The following SHH variants were observed in gnomAD, a reference collection of about 807,000 sequenced individuals.
SHH encodes sonic hedgehog signaling molecule.
A neutral mutation model predicts 16.6 loss-of-function variants in SHH; 3 were observed. That is an observed-to-expected ratio of 0.18 (90% CI 0.08 to 0.47). The LOEUF is 0.47. Ranked by LOEUF, SHH falls within the 20% of genes least tolerant of loss-of-function variation. SHH has a pLI of 0.98. For synonymous variants in SHH, 351 were observed against 316.2 expected (o/e 1.11, Z -1.17); for missense variants, 499 against 665.0 (o/e 0.75, Z 2.75).
chr7:155,800,141 C>T lies in SHH; in HGVS notation c.*2759G>A, dbSNP rs148863769. 306 of 471,590 alleles carry T rather than the reference C, an allele frequency of 6.5e-4. No individual in the cohort carries two copies. The highest frequency in any genetic ancestry group is 5.5e-3 in the African/African-American group (278 of 50,216). 29.2% of individuals were successfully genotyped at this position (471,590 alleles called of 1,614,324 possible). ...TACATTTTGCACAAACTCTTGGCTC[C>T]GTCAACCCTGAATGAGAAGTCGGCG... On this transcript the variant is annotated 3_prime_UTR_variant, in exon 3 of 3. Transcript: ENST00000297261.
Position 155,806,575 on chromosome 7 carries a change from C to A in SHH, c.301-18G>T. 6.2e-7 allele frequency: 1 copy of A among 1,610,158 alleles called. No homozygotes were observed. Among genetic ancestry groups the A allele is most frequent in the South Asian group, 1.1e-5 (1 of 91,074 alleles). The stretch of plus-strand genomic sequence containing the variant: ...TTACACCTCTGCGAAGACAAGGGGA[C>A]CCCCACCGACGGACACGTTAGCCTG... On this transcript the variant is annotated intron_variant, in intron 1 of 2. Coordinates refer to ENST00000297261, the MANE Select transcript of SHH (RefSeq NM_000193.4).
rs1359533909 is a variant in SHH at position 155,807,599 on chromosome 7, C to T, written c.301-1042G>A. Among the ~76,000 whole-genome samples, 1 of 152,122 alleles carries T rather than the reference C, an allele frequency of 6.6e-6. No homozygotes were observed. The highest frequency in any genetic ancestry group is 2.4e-5 in the African/African-American group (1 of 41,414). ...ACCTGGGATTCAGATTGTGGGGGTT[C>T]CCCTGGAATTCTGGGGTCACCCTCA... On this transcript the variant is annotated intron_variant, in intron 1 of 2. Transcript: ENST00000297261. The surrounding 1 kb of genome is among the most constrained non-coding windows in gnomAD (Gnocchi z 7.1).
Position 155,803,104 on chromosome 7 carries a change from C to T in SHH, c.1185G>A (p.Thr395=), listed in dbSNP as rs1318524372. 3 of 1,344,590 alleles carry T rather than the reference C, an allele frequency of 2.2e-6. No homozygotes were observed. The highest frequency in any genetic ancestry group is 3.1e-5 in the East Asian group (1 of 32,144). 83.3% of individuals were successfully genotyped at this position (1,344,590 alleles called of 1,614,324 possible). The part of the protein sequence containing the change: ...ALLAALAPAR[T]DRGGDSGGGD... ...CGCCGCCGCTGTCCCCGCCGCGGTC[C>T]GTGCGCGCGGGCGCCAGTGCAGCCA... Residue 395 remains threonine (T), a synonymous_variant, in exon 3 of 3, where the codon ACG becomes ACA. Transcript: ENST00000297261.
chr7:155,806,628 C>T (rs1803370353), intron 1 of SHH, 71 bp from the exon 2 acceptor site: 1 of 1,590,924 alleles, frequency 6.3e-7, no homozygotes, highest in Non-Finnish European at 8.6e-7. Context: ...CCGGCCCCTC[C>T]ATCAGCCTGC....
chr7:155,805,168 A>G (rs1803318097), intron 2 of SHH, among the ~76,000 whole-genome samples: 1 of 149,026 alleles, frequency 6.7e-6, no homozygotes, highest in African/African-American at 2.5e-5. Flanking sequence ...CGCTAGGGGG[A>G]CCCCGCGGGC....
chr7:155,812,181 G>C lies in SHH; in HGVS notation c.-59C>G. ...CCCGTGCGGGTCCGTGCGCGAGTGCGCGCGGCGGGTGTGTGCGTGTGCGCT... is the reference window on the plus strand; with the variant it reads ...CCCGTGCGGGTCCGTGCGCGAGTGCCCGCGGCGGGTGTGTGCGTGTGCGCT... On this transcript the variant is annotated 5_prime_UTR_variant, in exon 1 of 3. Transcript: ENST00000297261. The C allele has an allele frequency of 1.1e-5, 17 of 1,556,332 alleles. No homozygotes were observed. Among genetic ancestry groups the C allele is most frequent in the Admixed American group, 3.3e-5 (2 of 59,896 alleles).
rs1263183981 is a variant in SHH, at chr7:155,801,076, C to T, written c.*1824G>A. On this transcript the variant is annotated 3_prime_UTR_variant, in exon 3 of 3. Transcript: ENST00000297261. ...CTGACAACCGCCAAGGGCAGAGACC[C>T]TCTTGGCCAAACCTCCAAGGCAGCA... 5.9e-6 allele frequency: 1 copy of T among 168,068 alleles called. No homozygotes were observed. The highest frequency in any genetic ancestry group is 1.3e-5 in the Non-Finnish European group (1 of 77,510). 10.4% of individuals were successfully genotyped at this position (168,068 alleles called of 1,614,324 possible). A position where few individuals can be genotyped will look rare whatever the true frequency, so the allele number is the denominator to read the frequency against.
In SHH at chr7:155,800,851, G is replaced by C. The variant is rs914595774; in HGVS notation, c.*2049C>G. ...CAACCTCGGGAGCCAGCCCCTGCCA[G>C]GTGGGGCTGAAGTCTGTTCACTCCT... On this transcript the variant is annotated 3_prime_UTR_variant, in exon 3 of 3. Transcript: ENST00000297261. 1.2e-5 allele frequency: 4 copies of C among 347,642 alleles called. No individual in the cohort carries two copies. The highest frequency in any genetic ancestry group is 8.6e-5 in the African/African-American group (4 of 46,554). 21.5% of individuals were successfully genotyped at this position (347,642 alleles called of 1,614,324 possible).
In SHH at chr7:155,801,398, T is replaced by A. The variant is rs886947666; in HGVS notation, c.*1502A>T. ...GGACCTCAGAAAGCAGCAATGAGCCTCCTCCCTACAGATCAGAGAAGCACA... is the reference window on the plus strand; with the variant it reads ...GGACCTCAGAAAGCAGCAATGAGCCACCTCCCTACAGATCAGAGAAGCACA... On this transcript the variant is annotated 3_prime_UTR_variant, in exon 3 of 3. Transcript: ENST00000297261. The A allele has an allele frequency of 6.6e-6, 1 of 152,190 alleles. No homozygotes were observed. 9.4% of individuals were successfully genotyped at this position (152,190 alleles called of 1,614,324 possible).
In SHH at chr7:155,807,015, C is replaced by G; in HGVS notation, c.301-458G>C. On this transcript the variant is annotated intron_variant, in intron 1 of 2. Transcript: ENST00000297261. The surrounding 1 kb of genome is among the most constrained non-coding windows in gnomAD (Gnocchi z 7.1). The stretch of plus-strand genomic sequence containing the variant: ...CTGCGCAGCCTCCACCTTCTCCCCG[C>G]GTAGAATCCCTCACAGCAGGCCTGA... 1 of 278,122 alleles carries G rather than the reference C, an allele frequency of 3.6e-6. No individual in the cohort carries two copies. Among genetic ancestry groups the G allele is most frequent in the Non-Finnish European group, 7.0e-6 (1 of 142,064 alleles). The allele number at this position is 278,122 out of a possible 1,614,324, so 17.2% of individuals were successfully genotyped here. A position where few individuals can be genotyped will look rare whatever the true frequency, so the allele number is the denominator to read the frequency against.
In SHH at chr7:155,806,720, G is replaced by A. The variant is rs4716913; in HGVS notation, c.301-163C>T. ...AATGGCCCAGACACACCGAAGAGCC[G>A]GGCCCTGGGCTGGGGAAGAGGGACA... On this transcript the variant is annotated intron_variant, in intron 1 of 2. Coordinates refer to ENST00000297261, the MANE Select transcript of SHH (RefSeq NM_000193.4). The A allele has an allele frequency of 1.0e-3, 845 of 844,340 alleles. 4 individuals carry two copies. In the African/African-American group the frequency reaches 0.013, roughly 13 times the overall value. The allele number at this position is 844,340 out of a possible 1,614,324, so 52.3% of individuals were successfully genotyped here.
In SHH at chr7:155,803,775, G is replaced by A. The variant is rs765084221; in HGVS notation, c.563-49C>T. The A allele has an allele frequency of 1.9e-5, 28 of 1,499,178 alleles. No individual in the cohort carries two copies. The East Asian group carries it at 6.2e-4, about 33-fold the overall frequency. The allele number at this position is 1,499,178 out of a possible 1,614,324, so 92.9% of individuals were successfully genotyped here. A position where few individuals can be genotyped will look rare whatever the true frequency, so the allele number is the denominator to read the frequency against. Reference sequence around the variant, plus strand: ...AAGAGAGGACAGGGCATTGAGTTCCGAGAGGGAGGCGCGTCTCGGGGAGGA... The same window carrying A: ...AAGAGAGGACAGGGCATTGAGTTCCAAGAGGGAGGCGCGTCTCGGGGAGGA... On this transcript the variant is annotated intron_variant, in intron 2 of 2. Coordinates refer to ENST00000297261, the MANE Select transcript of SHH (RefSeq NM_000193.4).
In SHH at chr7:155,807,509, G is replaced by A. The variant is rs2117141149; in HGVS notation, c.301-952C>T. The A allele has an allele frequency of 6.6e-6, 1 of 152,350 alleles. No homozygotes were observed. Among genetic ancestry groups the A allele is most frequent in the Admixed American group, 6.5e-5 (1 of 15,306 alleles). The allele number at this position is 152,350 out of a possible 1,614,324, so 9.4% of individuals were successfully genotyped here. ...GAGGTCTCGGAGTCCTCCGCCTGGG[G>A]AGTTTCCCAGGAAGTTGCCTGGGAG... On this transcript the variant is annotated intron_variant, in intron 1 of 2. Coordinates refer to ENST00000297261, the MANE Select transcript of SHH (RefSeq NM_000193.4). This position sits in a 1 kb window ranked among gnomAD's most constrained non-coding sequence, Gnocchi z 7.1.
chr7:155,812,311 C>G lies in SHH; in HGVS notation c.-189G>C. Reference sequence around the variant, plus strand: ...TATATAACCTTGCCCGCCGCGGCTGCGGGGGACTCTCCACCGCTCCCCACC... The same window carrying G: ...TATATAACCTTGCCCGCCGCGGCTGGGGGGGACTCTCCACCGCTCCCCACC... On this transcript the variant is annotated 5_prime_UTR_variant, in exon 1 of 3. Transcript: ENST00000297261. 2 of 637,920 alleles carry G rather than the reference C, an allele frequency of 3.1e-6. No homozygotes were observed. The allele number at this position is 637,920 out of a possible 1,614,324, so 39.5% of individuals were successfully genotyped here. A position where few individuals can be genotyped will look rare whatever the true frequency, so the allele number is the denominator to read the frequency against.
chr7:155,801,997 GT>G lies in SHH; in HGVS notation c.*902del, dbSNP rs1563198026. ...CTGCAGGCTCCATCCTCGTGGGCTC[GT>G]CACTATGTGCGCTTTTAAAAAATAT... is the stretch of plus-strand genomic sequence containing the variant. On this transcript the variant is annotated 3_prime_UTR_variant, in exon 3 of 3. Transcript: ENST00000297261. 1 of 146,250 alleles carries G rather than the reference GT, an allele frequency of 6.8e-6. No homozygotes were observed. Among genetic ancestry groups the G allele is most frequent in the Non-Finnish European group, 1.5e-5 (1 of 67,480 alleles). 9.1% of individuals were successfully genotyped at this position (146,250 alleles called of 1,614,324 possible).
chr7:155,804,740 T>C (rs975717397), intron 2 of SHH, among the ~76,000 whole-genome samples: 2 of 150,484 alleles, frequency 1.3e-5, no homozygotes, highest in Non-Finnish European at 1.5e-5. Flanking sequence ...TGAGGCTCAC[T>C]GTCCCCAGGA....
intron 1 of SHH, among the ~76,000 whole-genome samples, chr7:155,810,328 G>A (rs1044154657): frequency 2.4e-4 from 37 of 152,328 alleles, no homozygotes; most frequent in African/African-American, 8.7e-4. Flanking sequence ...CGCCCCCGCC[G>A]CTCTCTCCGC....
rs901387691 is a variant in SHH at position 155,809,326 on chromosome 7, G to A, written c.300+2497C>T. Among the ~76,000 whole-genome samples the A allele has an allele frequency of 2.0e-5, 3 of 152,122 alleles. No individual in the cohort carries two copies. The highest frequency in any genetic ancestry group is 4.4e-5 in the Non-Finnish European group (3 of 68,020). ...GAGGGAGACAGAAGAAGAGGGTCAC[G>A]CACCTGGGGCAGAGCCTAGGTGGTT... On this transcript the variant is annotated intron_variant, in intron 1 of 2. Transcript: ENST00000297261. This position sits in a 1 kb window ranked among gnomAD's most constrained non-coding sequence, Gnocchi z 6.1.
chr7:155,800,656 C>A lies in SHH; in HGVS notation c.*2244G>T, dbSNP rs145796320. On this transcript the variant is annotated 3_prime_UTR_variant, in exon 3 of 3. Coordinates refer to ENST00000297261, the MANE Select transcript of SHH (RefSeq NM_000193.4). Reference sequence around the variant, plus strand: ...CGAGATTGTAAACACCAGCCTGGAACCTGCTGACCACCTAGAACACCAAAG... The same window carrying A: ...CGAGATTGTAAACACCAGCCTGGAAACTGCTGACCACCTAGAACACCAAAG... 5.9e-4 allele frequency: 278 copies of A among 470,584 alleles called. 1 individual carries two copies. The highest frequency in any genetic ancestry group is 3.7e-3 in the African/African-American group (184 of 50,174). The allele number at this position is 470,584 out of a possible 1,614,324, so 29.2% of individuals were successfully genotyped here. A position where few individuals can be genotyped will look rare whatever the true frequency, so the allele number is the denominator to read the frequency against.
Sources: allele counts gnomAD v4.1 joint callset (sites outside exome capture counted in the v4.1 genomes callset), GRCh38; gene constraint gnomAD v4.1.1; non-coding constraint Gnocchi (gnomAD v3.1); transcripts MANE v1.5; gene names NCBI Gene and HGNC (gene_info 2026-07-23, HGNC 2026-07-21).